UNC80: variants seen among roughly 807,000 people sequenced by gnomAD.
The protein encoded by UNC80 is protein unc-80 homolog.
UNC80 carries 164 observed loss-of-function variants against 384.6 expected under a neutral mutation model. The ratio of observed to expected loss-of-function variants is 0.43; its 90% CI spans 0.38 to 0.49. UNC80 has a LOEUF of 0.49. UNC80 is among the 20% of genes least tolerant of loss of function. The pLI, the probability that UNC80 is intolerant of heterozygous loss-of-function variation, is 0.00. For synonymous variants in UNC80, 1,486 were observed against 1,527.8 expected (o/e 0.97, Z 0.64); for missense variants, 3,330 against 4,143.0 (o/e 0.80, Z 5.39).
intron 20 of UNC80, 123 bp downstream of exon 20, chr2:209,840,771 AG>A: frequency 1.3e-6 from 1 of 755,756 alleles, no homozygotes; most frequent in South Asian, 2.1e-5. Context: ...TCTCCAGATG[AG>A]CTAACTTTGG....
chr2:209,969,914 T>C lies in UNC80; in HGVS notation c.8130+23T>C, dbSNP rs760368845. 11 of 1,551,020 alleles carry C rather than the reference T, an allele frequency of 7.1e-6. 1 individual carries two copies. In the South Asian group the frequency reaches 1.3e-4, roughly 19 times the overall value. On this transcript the variant is annotated intron_variant, in intron 53 of 64. Transcript: ENST00000673920. ...CTGGTGAGTAGCCAAGTGGCAATCT[T>C]ATGAAACTTTGCACAATGTAACTCT... is the stretch of plus-strand genomic sequence containing the variant.
intron 45 of UNC80, among the ~76,000 whole-genome samples, chr2:209,944,432 ATGCTTTTG>A (rs2091813609): frequency 1.3e-5 from 2 of 152,094 alleles, no homozygotes; most frequent in Non-Finnish European, 2.9e-5. Flanking sequence ...AGACCTTTGT[ATGCTTTTG>A]TCTTTGCTTG....
At position 209,803,253 on chromosome 2, in the gene UNC80, C is replaced by T. The variant is rs1034921792; in HGVS notation, c.938+9394C>T. On this transcript the variant is annotated intron_variant, in intron 7 of 64. Coordinates refer to ENST00000673920, the MANE Select transcript of UNC80 (RefSeq NM_001371986.1). ...AACACCATCAGATGGGAATCAAGGG[C>T]GTTTCTCCTAAAATCTGGCTACACA... is the stretch of plus-strand genomic sequence containing the variant. Among the ~76,000 whole-genome samples the T allele has an allele frequency of 3.3e-5, 5 of 152,274 alleles. No homozygotes were observed. The South Asian group carries it at 1.0e-3, about 32-fold the overall frequency.
intron 7 of UNC80, among the ~76,000 whole-genome samples, chr2:209,807,233 A>C (rs1054913742): frequency 1.3e-5 from 2 of 152,190 alleles, no homozygotes; most frequent in African/African-American, 4.8e-5. Flanking sequence ...ATTTAGAAGA[A>C]AAGTTGTATT....
intron 7 of UNC80, among the ~76,000 whole-genome samples, chr2:209,811,085 A>T (rs909004737): frequency 6.6e-6 from 1 of 152,188 alleles, no homozygotes; most frequent in African/African-American, 2.4e-5. Context: ...GGAAATGGGT[A>T]GAAATGAAAA....
chr2:209,994,273 A>G lies in UNC80; in HGVS notation c.9708+9A>G. On this transcript the variant is annotated intron_variant, in intron 64 of 64. Coordinates refer to ENST00000673920, the MANE Select transcript of UNC80 (RefSeq NM_001371986.1). Reference sequence around the variant, plus strand: ...GCGTGTCTCCCAAGCAGGTGAGGGCACTAGAGAAACAGGCAAGGCTTGCTC... The same window carrying G: ...GCGTGTCTCCCAAGCAGGTGAGGGCGCTAGAGAAACAGGCAAGGCTTGCTC... 6.5e-7 allele frequency: 1 copy of G among 1,543,900 alleles called. No individual in the cohort carries two copies. The highest frequency in any genetic ancestry group is 8.7e-7 in the Non-Finnish European group (1 of 1,143,168).
intron 59 of UNC80, 21 bp from the exon 60 acceptor site, chr2:209,982,158 C>G (rs1214544069): frequency 1.7e-5 from 27 of 1,548,430 alleles, no homozygotes; most frequent in Non-Finnish European, 1.2e-5. Flanking sequence ...TTGTAACACT[C>G]TATTCCTTTG....
Position 209,976,180 on chromosome 2 carries a change from C to T in UNC80, c.8649C>T (p.Ser2883=), listed in dbSNP as rs540655410. The change falls in exon 57 of 65, where the codon AGC becomes AGT. Residue 2883 remains serine, a synonymous_variant. Coordinates refer to ENST00000673920, the MANE Select transcript of UNC80 (RefSeq NM_001371986.1). This position sits in a 1 kb window ranked among gnomAD's most constrained non-coding sequence, Gnocchi z 4.3. Reference sequence around the variant, plus strand: ...TCGGAAGCCAGTGGTACTGGCTGAGCCTCCAGGTGAAGGAGATGGCTCTGC... The same window carrying T: ...TCGGAAGCCAGTGGTACTGGCTGAGTCTCCAGGTGAAGGAGATGGCTCTGC... ...RQLGSQWYWL[S]LQVKEMALRK... The T allele has an allele frequency of 1.3e-6, 2 of 1,551,582 alleles. No individual in the cohort carries two copies. The highest frequency in any genetic ancestry group is 2.4e-5 in the South Asian group (2 of 84,050).
At position 209,989,081 on chromosome 2, in the gene UNC80, G is replaced by T. The variant is rs143303352; in HGVS notation, c.9315-3085G>T. ...TAATTCCACCACTTTGGGAGGCCGA[G>T]GCAGGCAGATTGCTTGAGGCCAGGA... is the stretch of plus-strand genomic sequence containing the variant. On this transcript the variant is annotated intron_variant, in intron 61 of 64. Transcript: ENST00000673920. Among the ~76,000 whole-genome samples, 613 of 151,792 alleles carry T rather than the reference G, an allele frequency of 4.0e-3. 4 individuals are homozygous for T. Among genetic ancestry groups the T allele is most frequent in the African/African-American group, 0.014 (583 of 41,326 alleles).
chr2:209,816,378 T>A (rs1309988721), intron 9 of UNC80, among the ~76,000 whole-genome samples: 1 of 152,204 alleles, frequency 6.6e-6, no homozygotes, highest in Admixed American at 6.5e-5. Flanking sequence ...GGTCTGTATC[T>A]TCTTTGACTC....
chr2:209,869,936 C>T (rs1463965171), intron 22 of UNC80, among the ~76,000 whole-genome samples: 1 of 152,068 alleles, frequency 6.6e-6, no homozygotes, highest in East Asian at 1.9e-4. Context: ...TCTTAAGCAA[C>T]TAAAGTAATT....
Position 209,772,100 on chromosome 2 carries a change from C to G in UNC80, c.28C>G (p.Gln10Glu). 1 of 1,549,494 alleles carries G rather than the reference C, an allele frequency of 6.5e-7. No homozygotes were observed. The highest frequency in any genetic ancestry group is 8.7e-7 in the Non-Finnish European group (1 of 1,146,366). The change falls in exon 1 of 65, where the codon CAG (glutamine) becomes GAG (glutamate). Residue 10 changes from glutamine to glutamate, a missense_variant. Around this residue, in one of 8 missense-constraint regions of UNC80, gnomAD observed 86 missense variants for 141.5 expected, o/e 0.61. Transcript: ENST00000673920. ...GGTGAAGAGGAAGAGCTCCGAGGGC[C>G]AGGAGCAGGACGGCGGCCGCGGCAT... MVKRKSSEGQEQDGGRGIPL... is the reference protein window; with the variant it reads MVKRKSSEGEEQDGGRGIPL...
chr2:209,803,281 T>G (rs2078676327), intron 7 of UNC80, among the ~76,000 whole-genome samples: 1 of 152,186 alleles, frequency 6.6e-6, no homozygotes, highest in Admixed American at 6.5e-5. Flanking sequence ...GCTACACAGT[T>G]CTTTTGAAGA....
At chr2:209,792,443 GTTCATGCCATTC>G (rs2077873168) in intron 6 of UNC80, among the ~76,000 whole-genome samples, 1 of 152,200 alleles carries the variant, frequency 6.6e-6, no homozygotes, top group East Asian at 1.9e-4. Flanking sequence ...CGCCTCCCGG[GTTCATGCCATTC>G]TTCTGCCTCA....
chr2:209,781,006 G>C (rs936637496), intron 4 of UNC80, among the ~76,000 whole-genome samples: 9 of 152,144 alleles, frequency 5.9e-5, no homozygotes. Flanking sequence ...AGTGTGCTGC[G>C]CTGCCCAGCT....
chr2:209,904,850 G>C lies in UNC80; in HGVS notation c.4667G>C (p.Arg1556Pro). The C allele has an allele frequency of 6.4e-7, 1 of 1,551,914 alleles. No individual in the cohort carries two copies. Among genetic ancestry groups the C allele is most frequent in the Non-Finnish European group, 8.7e-7 (1 of 1,147,040 alleles). ...CHPHCYLHHS[R>P]SCARLVRAIK... is the part of the protein sequence containing the mutation. Reference sequence around the variant, plus strand: ...CCCCACTGCTACCTGCACCACAGCCGCTCCTGTGCCCGACTGGTCAGAGCC... The same window carrying C: ...CCCCACTGCTACCTGCACCACAGCCCCTCCTGTGCCCGACTGGTCAGAGCC... Residue 1556 changes from arginine to proline, a missense_variant, in exon 29 of 65, where the codon CGC becomes CCC. Around this residue, in one of 8 missense-constraint regions of UNC80, gnomAD observed 801 missense variants for 950.8 expected, o/e 0.84. Coordinates refer to ENST00000673920, the MANE Select transcript of UNC80 (RefSeq NM_001371986.1).
chr2:209,916,311 A>G (rs2089529959), intron 31 of UNC80, among the ~76,000 whole-genome samples: 1 of 152,250 alleles, frequency 6.6e-6, no homozygotes, highest in Non-Finnish European at 1.5e-5. Context: ...TCAGAAAAGT[A>G]CAGAACTCAA....
At chr2:209,879,940 A>T (rs1335948463) in intron 24 of UNC80, among the ~76,000 whole-genome samples, 1 of 152,240 alleles carries the variant, frequency 6.6e-6, no homozygotes, top group African/African-American at 2.4e-5. Context: ...ATCGTGAAGT[A>T]TGTATTCTAT....
intron 28 of UNC80, among the ~76,000 whole-genome samples, chr2:209,901,928 CA>C (rs113397197): frequency 0.28 from 38,976 of 139,392 alleles, 5,541 homozygotes; most frequent in East Asian, 0.4. Flanking sequence ...GACTCTGTCT[CA>C]AAAAAAAAAA....
Sources: gnomAD v4.1 joint callset for allele counts (sites outside exome capture counted in the v4.1 genomes callset) on GRCh38, gnomAD v4.1.1 for gene constraint, gnomAD v4.1.1 regional missense constraint, Gnocchi (gnomAD v3.1) non-coding constraint, MANE v1.5 for transcripts, NCBI Gene and HGNC (gene_info 2026-07-23, HGNC 2026-07-21) for gene names.